The following PRTG variants were observed in gnomAD, a reference collection of about 807,000 sequenced individuals.
The protein encoded by PRTG is immunoglobulin superfamily, DCC subclass, member 5.
PRTG carries 67 observed loss-of-function variants against 122.5 expected under a neutral mutation model. The ratio of observed to expected loss-of-function variants is 0.55; its 90% CI spans 0.45 to 0.67. The LOEUF (loss-of-function observed/expected upper bound fraction) is 0.67. Among genes scored for constraint, PRTG ranks in the 30% least tolerant of loss-of-function variants. The pLI is 0.00. For synonymous variants in PRTG, 554 were observed against 501.1 expected, an observed-to-expected ratio of 1.11 and a Z score of -1.41; for missense variants, 1,435 against 1,415.4, an observed-to-expected ratio of 1.01 and a Z score of -0.22.
chr15:55,635,345 C>T (rs938026447), intron 15 of PRTG, among the ~76,000 whole-genome samples: 1 of 152,178 alleles, frequency 6.6e-6, no homozygotes, highest in African/African-American at 2.4e-5. Flanking sequence ...CTGCCTCAGC[C>T]TCCCAAAGTG....
At chr15:55,631,866 AAGTG>A (rs1162927133) in intron 15 of PRTG, among the ~76,000 whole-genome samples, 2 of 152,218 alleles carry the variant, frequency 1.3e-5, no homozygotes, top group Non-Finnish European at 2.9e-5. Context: ...GTGTAAATAA[AAGTG>A]AGTTTTCTTC....
chr15:55,679,307 C>A lies in PRTG; in HGVS notation c.1112G>T (p.Gly371Val). The part of the protein sequence containing the change: ...LKNGRKIHSN[G>V]RIKMYNSKLV... ...CTACCTGTTGTACATTTTAATTCTA[C>A]CATTCGAATGTATCTTCCTTCCATT... Residue 371 changes from glycine (G) to valine (V), a missense_variant, in exon 7 of 20, where the codon GGT becomes GTT. Gly to Val is a moderately radical substitution (Grantham distance 109). Coordinates refer to ENST00000389286, the MANE Select transcript of PRTG (RefSeq NM_173814.6). 6.2e-7 allele frequency: 1 copy of A among 1,612,068 alleles called. No homozygotes were observed. Among genetic ancestry groups the A allele is most frequent in the Non-Finnish European group, 8.5e-7 (1 of 1,178,358 alleles).
chr15:55,704,910 T>C (rs1168717704), intron 2 of PRTG, among the ~76,000 whole-genome samples: 2 of 152,208 alleles, frequency 1.3e-5, no homozygotes, highest in Admixed American at 1.3e-4. Context: ...ACTTCTGAAC[T>C]ACTTGTTCAC....
intron 11 of PRTG, among the ~76,000 whole-genome samples, chr15:55,663,559 G>C (rs1401428346): frequency 6.6e-6 from 1 of 151,000 alleles, no homozygotes; most frequent in Non-Finnish European, 1.5e-5. Flanking sequence ...TTTTGGTAGG[G>C]AGACAAAGTT....
rs1389465517 is a variant in PRTG, at chr15:55,742,937, G to T, written c.-6C>A. 3.3e-6 allele frequency: 5 copies of T among 1,514,096 alleles called. No homozygotes were observed. Among genetic ancestry groups the T allele is most frequent in the East Asian group, 2.8e-5 (1 of 35,972 alleles). 93.8% of individuals were successfully genotyped at this position (1,514,096 alleles called of 1,614,324 possible). A position where few individuals can be genotyped will look rare whatever the true frequency, so the allele number is the denominator to read the frequency against. On this transcript the variant is annotated 5_prime_UTR_variant, in exon 1 of 20. Coordinates refer to ENST00000389286, the MANE Select transcript of PRTG (RefSeq NM_173814.6). ...GGTCGCAGAGGAGGCGCCATTCAGC[G>T]TAGCCGCGCGGGCATGCTCCCCGGC...
At chr15:55,677,660 A>G (rs2059510410) in intron 8 of PRTG, 137 bp downstream of exon 8, 2 of 704,248 alleles carry the variant, frequency 2.8e-6, no homozygotes, top group South Asian at 1.9e-5. Context: ...CATAGGTGAT[A>G]GATTATTTTA....
At chr15:55,688,454 A>T (rs935606639) in intron 2 of PRTG, among the ~76,000 whole-genome samples, 2 of 152,040 alleles carry the variant, frequency 1.3e-5, no homozygotes, top group African/African-American at 4.8e-5. Context: ...TGATTCCCCT[A>T]AATACCTCTT....
At chr15:55,654,199 G>C (rs2059368303) in intron 11 of PRTG, among the ~76,000 whole-genome samples, 1 of 152,174 alleles carries the variant, frequency 6.6e-6, no homozygotes, top group Non-Finnish European at 1.5e-5. Flanking sequence ...GGTAAGATGA[G>C]TCTCTCCACT....
At chr15:55,689,603 G>A (rs112431888) in intron 2 of PRTG, among the ~76,000 whole-genome samples, 9,991 of 147,364 alleles carry the variant, frequency 0.068, 473 homozygotes, top group Non-Finnish European at 0.1. Context: ...AAACCTACAC[G>A]TTGTGCACAT....
chr15:55,738,004 A>T (rs4774807), intron 2 of PRTG, among the ~76,000 whole-genome samples: 791 of 77,898 alleles, frequency 0.01, 11 homozygotes, highest in Non-Finnish European at 0.012. Flanking sequence ...CTCTCTCTCT[A>T]TATATATATA....
chr15:55,711,406 T>C (rs553826896), intron 2 of PRTG, among the ~76,000 whole-genome samples: 8 of 152,276 alleles, frequency 5.3e-5, no homozygotes, highest in South Asian at 2.1e-4. Context: ...GTAGAGATCA[T>C]TGGAAAACCA....
intron 4 of PRTG, chr15:55,681,528 A>C (rs2059537905): frequency 6.6e-6 from 1 of 152,132 alleles, no homozygotes; most frequent in Admixed American, 6.5e-5. Context: ...ATGTATGGCA[A>C]AATATATAAA....
At chr15:55,682,940 A>G (rs1349882408) in intron 3 of PRTG, among the ~76,000 whole-genome samples, 1 of 152,186 alleles carries the variant, frequency 6.6e-6, no homozygotes, top group Non-Finnish European at 1.5e-5. Context: ...GCAATACTTT[A>G]AAGACCTTTT....
rs758741886 is a variant in PRTG, at chr15:55,680,063, TTAAAGTTGCCATAGCAACTG to T, written c.944_963del (p.Thr315AsnfsTer10). ...AATGAAAGGAACATACCTAATACAGTTAAAGTTGCCATAGCAACTGTAAAGTTGCGTGTGCCAGGGGTAGT... is the reference window on the plus strand; with the variant it reads ...AATGAAAGGAACATACCTAATACAGTTAAAGTTGCGTGTGCCAGGGGTAGT... On this transcript the variant is annotated frameshift_variant, in exon 6 of 20. Transcript: ENST00000389286. LOFTEE classifies it high-confidence loss of function. 6.2e-7 allele frequency: 1 copy of T among 1,613,502 alleles called. No homozygotes were observed. Among genetic ancestry groups the T allele is most frequent in the Non-Finnish European group, 8.5e-7 (1 of 1,179,572 alleles).
chr15:55,697,886 TTAATA>T (rs1228191629), intron 2 of PRTG, among the ~76,000 whole-genome samples: 12 of 152,228 alleles, frequency 7.9e-5, no homozygotes, highest in African/African-American at 2.2e-4. Flanking sequence ...TGTAAAGTAC[TTAATA>T]TATTTCCTGT....
intron 18 of PRTG, 111 bp downstream of exon 18, chr15:55,624,231 A>G: frequency 1.2e-6 from 1 of 829,974 alleles, no homozygotes; most frequent in Non-Finnish European, 1.8e-6. Context: ...TTCATTAATA[A>G]GAGTATTGGT....
intron 9 of PRTG, among the ~76,000 whole-genome samples, chr15:55,674,705 G>A (rs2141800615): frequency 6.6e-6 from 1 of 152,266 alleles, no homozygotes; most frequent in Non-Finnish European, 1.5e-5. Context: ...TGGAAAAAAA[G>A]GAGATTTGGA....
chr15:55,695,744 C>T (rs541440147), intron 2 of PRTG, among the ~76,000 whole-genome samples: 1 of 152,118 alleles, frequency 6.6e-6, no homozygotes, highest in East Asian at 1.9e-4. Flanking sequence ...TTTGAGGGGA[C>T]GAGACAGGCA....
intron 1 of PRTG, chr15:55,742,144 G>A (rs1050116354): frequency 1.2e-4 from 19 of 152,234 alleles, no homozygotes; most frequent in Admixed American, 1.1e-3. Context: ...CTAGCTGTAG[G>A]AGATAAATCC....
Sources: allele counts gnomAD v4.1 joint callset (sites outside exome capture counted in the v4.1 genomes callset), GRCh38; gene constraint gnomAD v4.1.1; transcripts MANE v1.5; gene names NCBI Gene and HGNC (gene_info 2026-07-23, HGNC 2026-07-21).